Variants in LYRM4 observed in about 807,000 individuals in gnomAD.
The protein encoded by LYRM4 is LYR motif containing 4, also known as LYR motif-containing protein 4.
In LYRM4, 9 loss-of-function variants were observed where a neutral mutation model predicts 11.7. That is an observed-to-expected ratio of 0.77 (90% confidence interval 0.46 to 1.34). The LOEUF (loss-of-function observed/expected upper bound fraction) is 1.34. Among genes scored for constraint, LYRM4 ranks in the 40% most tolerant of loss-of-function variants. The pLI, the probability that LYRM4 is intolerant of heterozygous loss-of-function variation, is 0.00. For synonymous variants in LYRM4, 42 were observed against 40.4 expected (o/e 1.04, Z -0.15); for missense variants, 133 against 112.5 (o/e 1.18, Z -0.82).
the LYRM4 span, among the ~76,000 whole-genome samples, chr6:5,081,633 C>T: frequency 6.6e-6 from 1 of 152,192 alleles, no homozygotes; most frequent in East Asian, 1.9e-4. Context: ...TAAAAATAGA[C>T]ATTTGGTCTT....
chr6:5,239,153 A>G (rs1763719342), intron 1 of LYRM4, among the ~76,000 whole-genome samples: 1 of 152,206 alleles, frequency 6.6e-6, no homozygotes, highest in Admixed American at 6.5e-5. Flanking sequence ...GAACCAACAA[A>G]AAGCAATCAA....
intron 2 of LYRM4, among the ~76,000 whole-genome samples, chr6:5,173,959 T>C (rs1759573517): frequency 6.6e-6 from 1 of 151,996 alleles, no homozygotes; most frequent in Admixed American, 6.5e-5. Context: ...CTGGAAACTA[T>C]AGACTGGGGG....
At chr6:5,234,110 T>A (rs1301595032) in intron 1 of LYRM4, among the ~76,000 whole-genome samples, 1 of 152,282 alleles carries the variant, frequency 6.6e-6, no homozygotes, top group Non-Finnish European at 1.5e-5. Flanking sequence ...ATGTATTTTC[T>A]ATCATGATGT....
chr6:5,121,660 A>C (rs1561810868), intron 2 of LYRM4, among the ~76,000 whole-genome samples: 1 of 152,220 alleles, frequency 6.6e-6, no homozygotes, highest in Admixed American at 6.5e-5. Flanking sequence ...ACATCACGTC[A>C]GAGGAAAACC....
At chr6:5,206,948 G>C (rs1170620657) in intron 2 of LYRM4, among the ~76,000 whole-genome samples, 1 of 152,112 alleles carries the variant, frequency 6.6e-6, no homozygotes, top group Non-Finnish European at 1.5e-5. Context: ...CTGACAGATA[G>C]CTTGGCTCTG....
intron 2 of LYRM4, among the ~76,000 whole-genome samples, chr6:5,147,611 T>A (rs1757797546): frequency 6.6e-6 from 1 of 152,238 alleles, no homozygotes; most frequent in Admixed American, 6.5e-5. Context: ...TGTGACTACC[T>A]GTTTTATACA....
intron 2 of LYRM4, among the ~76,000 whole-genome samples, chr6:5,208,851 G>T (rs1761842412): frequency 6.6e-6 from 1 of 152,158 alleles, no homozygotes; most frequent in African/African-American, 2.4e-5. Flanking sequence ...TCATACAGGG[G>T]CCAAGCTATA....
intron 1 of LYRM4, among the ~76,000 whole-genome samples, chr6:5,232,018 T>C (rs1763271093): frequency 6.6e-6 from 1 of 152,242 alleles, no homozygotes; most frequent in South Asian, 2.1e-4. Context: ...TACAAATGCT[T>C]ACTGGTTACC....
chr6:5,165,987 T>G (rs1266339125), intron 2 of LYRM4, among the ~76,000 whole-genome samples: 3 of 152,212 alleles, frequency 2.0e-5, no homozygotes, highest in African/African-American at 4.8e-5. Context: ...ACGAGTATAC[T>G]GAATGGCTAG....
intron 1 of LYRM4, among the ~76,000 whole-genome samples, chr6:5,256,098 A>G (rs1764651559): frequency 6.6e-6 from 1 of 152,020 alleles, no homozygotes. Flanking sequence ...GAGAAATCCT[A>G]GTTTAAGGTG....
chr6:5,151,083 AAT>A (rs373215229), intron 2 of LYRM4, among the ~76,000 whole-genome samples: 12 of 99,680 alleles, frequency 1.2e-4, no homozygotes, highest in Non-Finnish European at 1.4e-4. Flanking sequence ...GTTTGTTTTG[AAT>A]TTTTTTTTTT....
chr6:5,083,632 G>T, the LYRM4 span, among the ~76,000 whole-genome samples: 1 of 152,196 alleles, frequency 6.6e-6, no homozygotes, highest in Admixed American at 6.5e-5. Flanking sequence ...TATGTAGGCA[G>T]GAATGATGTG....
intron 1 of LYRM4, 21 bp downstream of exon 1, chr6:5,260,627 C>CCCCGGTG (rs1765018175): frequency 6.5e-7 from 1 of 1,528,948 alleles, no homozygotes; most frequent in Non-Finnish European, 8.7e-7. Context: ...CGCCCCCGGC[C>CCCCGGTG]CCCGGTGCCC....
At chr6:5,078,626 A>G in the LYRM4 span, among the ~76,000 whole-genome samples, 4 of 152,184 alleles carry the variant, frequency 2.6e-5, no homozygotes, top group African/African-American at 7.2e-5. Flanking sequence ...AAGTTCCTCA[A>G]TTCTATTAGA....
chr6:5,209,338 C>T (rs1761869819), intron 2 of LYRM4, among the ~76,000 whole-genome samples: 1 of 152,192 alleles, frequency 6.6e-6, no homozygotes, highest in African/African-American at 2.4e-5. Context: ...CTCAAGTGAT[C>T]CACCCACCTT....
intron 2 of LYRM4, among the ~76,000 whole-genome samples, chr6:5,200,453 T>G (rs12660749): frequency 6.6e-6 from 1 of 152,048 alleles, no homozygotes; most frequent in Non-Finnish European, 1.5e-5. Flanking sequence ...TGGAAGCACA[T>G]GAAATTTTCA....
the LYRM4 span, among the ~76,000 whole-genome samples, chr6:5,081,106 G>A: frequency 3.1e-4 from 44 of 144,090 alleles, 1 homozygote; most frequent in Non-Finnish European, 4.3e-4. Flanking sequence ...GGCACATGAT[G>A]TTTGAAGTAG....
chr6:5,187,355 A>G (rs1760467007), intron 2 of LYRM4, among the ~76,000 whole-genome samples: 2 of 152,226 alleles, frequency 1.3e-5, no homozygotes, highest in Non-Finnish European at 2.9e-5. Flanking sequence ...CAGCTTGTTC[A>G]CTACAGCACT....
chr6:5,113,738 T>C (rs79798077), intron 2 of LYRM4, among the ~76,000 whole-genome samples: 4,734 of 19,146 alleles, frequency 0.25, 99 homozygotes, highest in Non-Finnish European at 0.3. Context: ...TCTCTCTCTT[T>C]TTTTTTTTTT....
Sources: gnomAD v4.1 joint callset for allele counts (sites outside exome capture counted in the v4.1 genomes callset) on GRCh38, gnomAD v4.1.1 for gene constraint, MANE v1.5 for transcripts, NCBI Gene and HGNC (gene_info 2026-07-23, HGNC 2026-07-21) for gene names.